TGFA: variants seen among roughly 807,000 people sequenced by gnomAD.
TGFA encodes the protein transforming growth factor alpha.
In TGFA, 12 loss-of-function variants were observed where a neutral mutation model predicts 21.7. That is an observed-to-expected ratio of 0.55 (90% CI 0.35 to 0.90). The LOEUF (loss-of-function observed/expected upper bound fraction) is 0.90. Among genes scored for constraint, TGFA ranks in the 40% least tolerant of loss-of-function variants. The pLI is 0.01. For synonymous variants in TGFA, 79 were observed against 88.1 expected, an observed-to-expected ratio of 0.90 and a Z score of 0.58; for missense variants, 178 against 210.8, an observed-to-expected ratio of 0.84 and a Z score of 0.96.
At position 70,450,975 on chromosome 2, in the gene TGFA, T is replaced by C. The variant is rs1408851469; in HGVS notation, c.476-109A>G. On this transcript the variant is annotated intron_variant, in intron 5 of 5. Coordinates refer to ENST00000295400, the MANE Select transcript of TGFA (RefSeq NM_003236.4). Reference sequence around the variant, plus strand: ...GATGGCAGAGCCAATGTCACCAAGTTCTCTCGGGCAGTTAGGCCCGAGTCC... The same window carrying C: ...GATGGCAGAGCCAATGTCACCAAGTCCTCTCGGGCAGTTAGGCCCGAGTCC... 4 of 1,374,222 alleles carry C rather than the reference T, an allele frequency of 2.9e-6. No homozygotes were observed. In the African/African-American group the frequency reaches 5.7e-5, roughly 20 times the overall value. 85.1% of individuals were successfully genotyped at this position (1,374,222 alleles called of 1,614,324 possible). A position where few individuals can be genotyped will look rare whatever the true frequency, so the allele number is the denominator to read the frequency against.
intron 1 of TGFA, among the ~76,000 whole-genome samples, chr2:70,525,602 C>T (rs1672608801): frequency 6.6e-6 from 1 of 152,154 alleles, no homozygotes; most frequent in South Asian, 2.1e-4. Context: ...CCTCCTTGGG[C>T]CCCAGAAGCA....
chr2:70,483,080 C>T (rs1215713187), intron 2 of TGFA, among the ~76,000 whole-genome samples: 2 of 152,226 alleles, frequency 1.3e-5, no homozygotes, highest in Non-Finnish European at 2.9e-5. Context: ...ACTCATATTT[C>T]TCCATTTTGT....
intron 1 of TGFA, chr2:70,553,057 A>G: frequency 1.0e-6 from 1 of 990,034 alleles, no homozygotes. Flanking sequence ...TTCCAAGGAC[A>G]TACTCAAAGG....
At chr2:70,511,662 G>A (rs782048959) in intron 2 of TGFA, among the ~76,000 whole-genome samples, 12 of 152,104 alleles carry the variant, frequency 7.9e-5, no homozygotes, top group Non-Finnish European at 1.3e-4. Flanking sequence ...TATCTGTTAC[G>A]TATACGCATT....
At chr2:70,465,802 A>ACC (rs1670539700) in intron 2 of TGFA, 66 bp from the exon 3 acceptor site, 8 of 1,591,180 alleles carry the variant, frequency 5.0e-6, no homozygotes, top group Middle Eastern at 2.2e-4. Context: ...CACACCTCCC[A>ACC]CCCTACCAGT....
chr2:70,538,315 C>T (rs1673034205), intron 1 of TGFA, among the ~76,000 whole-genome samples: 2 of 152,186 alleles, frequency 1.3e-5, no homozygotes, highest in Non-Finnish European at 1.5e-5. Context: ...GGCCCATGCT[C>T]ATTAAAGAGC....
intron 2 of TGFA, among the ~76,000 whole-genome samples, chr2:70,487,570 T>A (rs1268948485): frequency 1.3e-5 from 2 of 152,344 alleles, no homozygotes; most frequent in Non-Finnish European, 2.9e-5. Context: ...AGGTCAGGTG[T>A]AGAATTTTCC....
chr2:70,468,738 T>G (rs1405136337), intron 2 of TGFA, among the ~76,000 whole-genome samples: 5 of 152,226 alleles, frequency 3.3e-5, no homozygotes, highest in African/African-American at 9.6e-5. Context: ...TACTTGATGA[T>G]CTGTCACTGT....
At chr2:70,485,880 G>C (rs1018650704) in intron 2 of TGFA, among the ~76,000 whole-genome samples, 44 of 152,310 alleles carry the variant, frequency 2.9e-4, no homozygotes, top group African/African-American at 1.1e-3. Context: ...AGAAAGACCA[G>C]ATACTTACTA....
chr2:70,525,208 T>C (rs2103886181), intron 1 of TGFA, among the ~76,000 whole-genome samples: 1 of 152,340 alleles, frequency 6.6e-6, no homozygotes, highest in East Asian at 1.9e-4. Flanking sequence ...TGCACCCTGG[T>C]GCACAACACC....
rs782128206 is a variant in TGFA at position 70,450,074 on chromosome 2, G to T, written c.*785C>A. ...TAACCCAGCCTCTGGTTCCATCTCC[G>T]CACCCTGGAAGACTTTTCCCAAGCC... On this transcript the variant is annotated 3_prime_UTR_variant, in exon 6 of 6. Coordinates refer to ENST00000295400, the MANE Select transcript of TGFA (RefSeq NM_003236.4). 1.3e-5 allele frequency: 2 copies of T among 152,116 alleles called. No individual in the cohort carries two copies. Among genetic ancestry groups the T allele is most frequent in the Non-Finnish European group, 2.9e-5 (2 of 68,082 alleles). 9.4% of individuals were successfully genotyped at this position (152,116 alleles called of 1,614,324 possible).
At chr2:70,549,713 TGAAAAG>T (rs1673426933) in intron 1 of TGFA, among the ~76,000 whole-genome samples, 1 of 152,232 alleles carries the variant, frequency 6.6e-6, no homozygotes, top group Non-Finnish European at 1.5e-5. Flanking sequence ...AGACACACTT[TGAAAAG>T]GTCCTTAGGC....
intron 1 of TGFA, among the ~76,000 whole-genome samples, chr2:70,535,072 A>G (rs535571236): frequency 7.2e-5 from 11 of 152,208 alleles, no homozygotes; most frequent in African/African-American, 2.2e-4. Flanking sequence ...TGGAGATACC[A>G]TATCTCATAA....
intron 5 of TGFA, among the ~76,000 whole-genome samples, chr2:70,452,793 T>C (rs1559095169): frequency 6.6e-6 from 1 of 151,718 alleles, no homozygotes. Context: ...AATACAAAAA[T>C]TTTCTGGGCG....
chr2:70,530,295 G>A (rs1553503582), intron 1 of TGFA, among the ~76,000 whole-genome samples: 2 of 152,148 alleles, frequency 1.3e-5, no homozygotes, highest in Non-Finnish European at 2.9e-5. Context: ...CCCTTCCAGG[G>A]TCTGCCCACC....
chr2:70,540,242 A>G (rs1673096361), intron 1 of TGFA, among the ~76,000 whole-genome samples: 1 of 152,186 alleles, frequency 6.6e-6, no homozygotes, highest in South Asian at 2.1e-4. Flanking sequence ...CCACTGGAAT[A>G]CACTTTATCT....
chr2:70,483,016 A>G (rs1187159964), intron 2 of TGFA, among the ~76,000 whole-genome samples: 1 of 152,230 alleles, frequency 6.6e-6, no homozygotes, highest in Non-Finnish European at 1.5e-5. Context: ...CTTCATTTAA[A>G]GAGGTCACTG....
At chr2:70,475,173 A>T (rs1040751685) in intron 2 of TGFA, among the ~76,000 whole-genome samples, 1 of 152,182 alleles carries the variant, frequency 6.6e-6, no homozygotes, top group Non-Finnish European at 1.5e-5. Context: ...AATTTTATCT[A>T]AAGTACCTGG....
chr2:70,552,303 A>G (rs1005693069), intron 1 of TGFA, among the ~76,000 whole-genome samples: 1 of 152,250 alleles, frequency 6.6e-6, no homozygotes, highest in African/African-American at 2.4e-5. Flanking sequence ...TGTCTGACAC[A>G]GAGTAAAATG....
Sources: gnomAD v4.1 joint callset for allele counts (sites outside exome capture counted in the v4.1 genomes callset) on GRCh38, gnomAD v4.1.1 for gene constraint, MANE v1.5 for transcripts, NCBI Gene and HGNC (gene_info 2026-07-23, HGNC 2026-07-21) for gene names.